The following ARHGEF3 variants were observed in gnomAD, a reference collection of about 807,000 sequenced individuals.
ARHGEF3 encodes the protein 59.8 kDA protein.
Under a neutral mutation model 63.2 loss-of-function variants are expected in ARHGEF3, and 28 were observed. The observed-to-expected ratio is 0.44, with a 90% confidence interval of 0.33 to 0.61. The LOEUF (loss-of-function observed/expected upper bound fraction) is 0.61, where lower values mean the gene tolerates loss of function less well. ARHGEF3 is among the 20% of genes least tolerant of loss of function. The pLI is 0.03. For synonymous variants in ARHGEF3, 266 were observed against 254.2 expected (o/e 1.05, Z -0.44); for missense variants, 533 against 659.3 (o/e 0.81, Z 2.10).
chr3:57,062,126 AG>A (rs1366106054), intron 1 of ARHGEF3, among the ~76,000 whole-genome samples: 7 of 151,288 alleles, frequency 4.6e-5, no homozygotes, highest in Non-Finnish European at 1.5e-5. Context: ...AACTCCATCT[AG>A]ATGGGTGAGA....
Position 57,074,870 on chromosome 3 carries a change from A to C in ARHGEF3, c.-28+4356T>G, listed in dbSNP as rs184729581. On this transcript the variant is annotated intron_variant, in intron 1 of 12. Transcript: ENST00000338458. Reference sequence around the variant, plus strand: ...ACACATTGCTCAGGTCTCACCCTGTAAATGTAGGTACCAGCCTTCTAGTTG... The same window carrying C: ...ACACATTGCTCAGGTCTCACCCTGTCAATGTAGGTACCAGCCTTCTAGTTG... The C allele has an allele frequency of 3.0e-3, 511 of 167,546 alleles. 3 individuals carry two copies. The highest frequency in any genetic ancestry group is 2.6e-3 in the Non-Finnish European group (181 of 68,438). 10.4% of individuals were successfully genotyped at this position (167,546 alleles called of 1,614,324 possible).
intron 3 of ARHGEF3, among the ~76,000 whole-genome samples, chr3:56,951,019 T>A (rs1201615353): frequency 6.6e-6 from 1 of 151,664 alleles, no homozygotes; most frequent in Non-Finnish European, 1.5e-5. Context: ...CTCAGCAAAC[T>A]ATCGCAAGGA....
At chr3:56,936,897 T>C (rs1342298692) in intron 3 of ARHGEF3, among the ~76,000 whole-genome samples, 1 of 152,178 alleles carries the variant, frequency 6.6e-6, no homozygotes, top group African/African-American at 2.4e-5. Flanking sequence ...TTTTTGTATT[T>C]TTTGTACAGA....
chr3:56,772,859 T>C (rs751641076), intron 2 of ARHGEF3, among the ~76,000 whole-genome samples: 18 of 152,154 alleles, frequency 1.2e-4, no homozygotes, highest in Non-Finnish European at 2.2e-4. Flanking sequence ...TTTACTGATA[T>C]GGAATAGAAG....
intron 3 of ARHGEF3, among the ~76,000 whole-genome samples, chr3:56,925,809 T>A (rs1021845348): frequency 1.2e-4 from 19 of 152,186 alleles, no homozygotes; most frequent in African/African-American, 4.6e-4. Flanking sequence ...CTGGCCACAG[T>A]GCAGGCACCA....
chr3:56,881,681 G>A (rs2040770343), intron 4 of ARHGEF3, among the ~76,000 whole-genome samples: 1 of 152,152 alleles, frequency 6.6e-6, no homozygotes. Flanking sequence ...TTTGGTGGGT[G>A]CCCAGTATGT....
At chr3:57,061,342 G>T (rs1190098240) in intron 1 of ARHGEF3, among the ~76,000 whole-genome samples, 1 of 151,992 alleles carries the variant, frequency 6.6e-6, no homozygotes, top group African/African-American at 2.4e-5. Context: ...CTGTCATCCA[G>T]GCAGGAGTAC....
At chr3:56,867,847 G>T (rs2040305761) in intron 4 of ARHGEF3, among the ~76,000 whole-genome samples, 1 of 152,114 alleles carries the variant, frequency 6.6e-6, no homozygotes, top group African/African-American at 2.4e-5. Context: ...AAATGAGGAA[G>T]ACCAGGTTGG....
At chr3:57,008,777 A>C (rs980214596) in intron 2 of ARHGEF3, among the ~76,000 whole-genome samples, 1 of 151,994 alleles carries the variant, frequency 6.6e-6, no homozygotes, top group African/African-American at 2.4e-5. Context: ...AGGCCCTGTC[A>C]TTTTTCTCTG....
At chr3:56,835,013 A>G (rs571468338) in intron 4 of ARHGEF3, among the ~76,000 whole-genome samples, 1 of 152,332 alleles carries the variant, frequency 6.6e-6, no homozygotes, top group South Asian at 2.1e-4. Context: ...TATAATAAAG[A>G]AGTAAAAGTT....
intron 4 of ARHGEF3, among the ~76,000 whole-genome samples, chr3:56,827,763 A>AC (rs1394480808): frequency 1.6e-5 from 2 of 125,476 alleles, no homozygotes; most frequent in Non-Finnish European, 3.4e-5. Flanking sequence ...AAAAAAAAAA[A>AC]AAAAAAAAAA....
chr3:56,968,333 T>C (rs1453307014), intron 2 of ARHGEF3, among the ~76,000 whole-genome samples: 3 of 47,424 alleles, frequency 6.3e-5, no homozygotes, highest in African/African-American at 1.9e-4. Context: ...TATATATATA[T>C]AATATATAAT....
At chr3:56,736,258 G>A (rs1559886216) in intron 8 of ARHGEF3, among the ~76,000 whole-genome samples, 1 of 152,064 alleles carries the variant, frequency 6.6e-6, no homozygotes, top group Non-Finnish European at 1.5e-5. Flanking sequence ...AAAACAACAT[G>A]GTATAATGGA....
At chr3:56,875,897 T>C (rs1339512152) in intron 4 of ARHGEF3, among the ~76,000 whole-genome samples, 1 of 152,104 alleles carries the variant, frequency 6.6e-6, no homozygotes, top group Non-Finnish European at 1.5e-5. Flanking sequence ...GGCATCACAA[T>C]GCTGGGTGAT....
intron 4 of ARHGEF3, among the ~76,000 whole-genome samples, chr3:56,852,306 T>A (rs897555888): frequency 2.6e-5 from 4 of 152,164 alleles, no homozygotes; most frequent in Non-Finnish European, 5.9e-5. Flanking sequence ...TCATTTTCCT[T>A]CGTTTTCTTG....
intron 2 of ARHGEF3, among the ~76,000 whole-genome samples, chr3:56,996,721 C>T (rs918650264): frequency 6.6e-6 from 1 of 152,108 alleles, no homozygotes; most frequent in Admixed American, 6.5e-5. Context: ...GACAGCAAGG[C>T]CCCGTATCTC....
intron 3 of ARHGEF3, among the ~76,000 whole-genome samples, chr3:56,927,337 G>A (rs996445581): frequency 2.6e-5 from 4 of 152,110 alleles, no homozygotes; most frequent in African/African-American, 9.7e-5. Flanking sequence ...CGGATAATAA[G>A]CCCCCATGTG....
rs2032815137 is a variant in ARHGEF3 at position 56,727,581 on chromosome 3, T to C, written c.*1689A>G. On this transcript the variant is annotated 3_prime_UTR_variant, in exon 10 of 10. Coordinates refer to ENST00000296315, the MANE Select transcript of ARHGEF3 (RefSeq NM_019555.3). The stretch of plus-strand genomic sequence containing the variant: ...CTGGCTGATGGCTTCTAAAAGTGGC[T>C]GATGGCGCCTACAAAGAATCATTCA... The C allele has an allele frequency of 6.6e-6, 1 of 152,668 alleles. No homozygotes were observed. The allele number at this position is 152,668 out of a possible 1,614,324, so 9.5% of individuals were successfully genotyped here.
rs2032927415 is a variant in ARHGEF3 at position 56,729,241 on chromosome 3, G to A, written c.*29C>T. On this transcript the variant is annotated 3_prime_UTR_variant, in exon 10 of 10. Coordinates refer to ENST00000296315, the MANE Select transcript of ARHGEF3 (RefSeq NM_019555.3). ...CAAATACTGTACAGGTAAGATGCAG[G>A]CCTGCTTCCCGAAGTGCACATGCTT... 6.3e-7 allele frequency: 1 copy of A among 1,578,050 alleles called. No homozygotes were observed. The highest frequency in any genetic ancestry group is 1.3e-5 in the African/African-American group (1 of 74,374).
Sources: gnomAD v4.1 joint callset for allele counts (sites outside exome capture counted in the v4.1 genomes callset) on GRCh38, gnomAD v4.1.1 for gene constraint, MANE v1.5 for transcripts, NCBI Gene and HGNC (gene_info 2026-07-23, HGNC 2026-07-21) for gene names.